The following RELN variants were observed in gnomAD, a reference collection of about 807,000 sequenced individuals.
The protein encoded by RELN is reelin.
A neutral mutation model predicts 427.6 loss-of-function variants in RELN; 108 were observed. The observed-to-expected ratio is 0.25, with a 90% CI of 0.22 to 0.30. RELN has a LOEUF of 0.30. Ranked by LOEUF, RELN falls within the 10% of genes least tolerant of loss-of-function variation. RELN has a pLI of 1.00. For missense variants in RELN, 3,715 were observed against 4,302.8 expected, an observed-to-expected ratio of 0.86 and a Z score of 3.82; for synonymous variants, 1,524 against 1,513.4, an observed-to-expected ratio of 1.01 and a Z score of -0.16.
chr7:103,755,597 G>T (rs1791119784), intron 4 of RELN, among the ~76,000 whole-genome samples: 1 of 135,540 alleles, frequency 7.4e-6, no homozygotes, highest in African/African-American at 2.9e-5. Flanking sequence ...GACAGAGCGA[G>T]ACTCTGTCTC....
At chr7:103,927,265 T>C (rs978018282) in intron 1 of RELN, among the ~76,000 whole-genome samples, 7 of 152,222 alleles carry the variant, frequency 4.6e-5, no homozygotes, top group Non-Finnish European at 1.0e-4. Context: ...TGATGAACCA[T>C]CTGTATGTTT....
chr7:103,789,944 T>C (rs942202436), intron 3 of RELN, among the ~76,000 whole-genome samples: 5 of 152,144 alleles, frequency 3.3e-5, no homozygotes, highest in African/African-American at 9.7e-5. Context: ...AAATGGCCCA[T>C]TAATGTTAGA....
intron 51 of RELN, among the ~76,000 whole-genome samples, chr7:103,510,151 A>C (rs1179159380): frequency 3.9e-5 from 6 of 152,240 alleles, no homozygotes; most frequent in African/African-American, 1.4e-4. Context: ...ATATACCCAA[A>C]GGATTATAAA....
chr7:103,544,305 C>T (rs967296206), intron 42 of RELN, among the ~76,000 whole-genome samples: 1 of 118,606 alleles, frequency 8.4e-6, no homozygotes, highest in African/African-American at 3.2e-5. Flanking sequence ...GTGGTGTGAT[C>T]TCGGCTCACT....
chr7:103,894,804 T>C lies in RELN; in HGVS notation c.337+22271A>G, dbSNP rs17157114. On this transcript the variant is annotated intron_variant, in intron 2 of 64. Transcript: ENST00000428762. ...AAATTATGAAGCCTCAAATTTTGTA[T>C]GTAAGCAGCAGATAAGCAACCAGCA... 4.0e-3 allele frequency among the ~76,000 whole-genome samples: 615 copies of C among 152,248 alleles called. 24 individuals carry two copies. The East Asian group carries it at 0.072, about 18-fold the overall frequency.
Position 103,988,703 on chromosome 7 carries a change from AGCCCAGCGACAGCCCCCAAC to A in RELN, c.226+408_226+427del, listed in dbSNP as rs1010719818. 6.6e-6 allele frequency among the ~76,000 whole-genome samples: 1 copy of A among 152,180 alleles called. No homozygotes were observed. Among genetic ancestry groups the A allele is most frequent in the Non-Finnish European group, 1.5e-5 (1 of 68,016 alleles). On this transcript the variant is annotated intron_variant, in intron 1 of 64. Coordinates refer to ENST00000428762, the MANE Select transcript of RELN (RefSeq NM_005045.4). This position sits in a 1 kb window ranked among gnomAD's most constrained non-coding sequence, Gnocchi z 4.9. ...CAATCTGTCACCAGCCTGCCCGCAA[AGCCCAGCGACAGCCCCCAAC>A]GCCCCCCCGGGGACCCATCTGGGGG... is the stretch of plus-strand genomic sequence containing the variant.
At chr7:103,735,289 G>C (rs1403220771) in intron 6 of RELN, among the ~76,000 whole-genome samples, 2 of 151,802 alleles carry the variant, frequency 1.3e-5, no homozygotes, top group Non-Finnish European at 2.9e-5. Flanking sequence ...TTTTTTTCAT[G>C]GGACAAAGTA....
At chr7:103,856,814 A>AT (rs576074019) in intron 2 of RELN, among the ~76,000 whole-genome samples, 128 of 151,974 alleles carry the variant, frequency 8.4e-4, no homozygotes, top group Non-Finnish European at 1.5e-3. Context: ...CTATTAGCAA[A>AT]TTTTTTTATC....
At chr7:103,586,127 G>A (rs1432252313) in intron 28 of RELN, among the ~76,000 whole-genome samples, 1 of 152,134 alleles carries the variant, frequency 6.6e-6, no homozygotes, top group Non-Finnish European at 1.5e-5. Context: ...ACTTTGGGAG[G>A]CCGAGGAGGG....
At chr7:103,849,550 C>A (rs1183496758) in intron 2 of RELN, among the ~76,000 whole-genome samples, 1 of 152,118 alleles carries the variant, frequency 6.6e-6, no homozygotes, top group African/African-American at 2.4e-5. Flanking sequence ...CCTGCGTATC[C>A]CCTACCTACA....
chr7:103,900,624 T>C (rs1323360517), intron 2 of RELN, among the ~76,000 whole-genome samples: 1 of 151,900 alleles, frequency 6.6e-6, no homozygotes. Context: ...TTTCTAAATA[T>C]ACAATCACGT....
intron 11 of RELN, among the ~76,000 whole-genome samples, chr7:103,674,454 T>C (rs1264289251): frequency 3.3e-5 from 5 of 152,166 alleles, no homozygotes; most frequent in African/African-American, 1.2e-4. Flanking sequence ...ATTTAGATTA[T>C]TTGCTTAAAT....
rs1827875620 is a variant in RELN at position 103,471,982 on chromosome 7, AAAC to A, written c.*827_*829del. The stretch of plus-strand genomic sequence containing the variant: ...AATCCACGAAGAAAACACAATGAAA[AAAC>A]AACCACTGTTTTACAAATCACTCTG... On this transcript the variant is annotated 3_prime_UTR_variant, in exon 65 of 65. Coordinates refer to ENST00000428762, the MANE Select transcript of RELN (RefSeq NM_005045.4). 6.6e-6 allele frequency: 1 copy of A among 152,580 alleles called. No individual in the cohort carries two copies. The highest frequency in any genetic ancestry group is 2.1e-4 in the South Asian group (1 of 4,832). 9.5% of individuals were successfully genotyped at this position (152,580 alleles called of 1,614,324 possible).
intron 63 of RELN, among the ~76,000 whole-genome samples, chr7:103,480,794 A>C (rs897044342): frequency 2.8e-4 from 42 of 152,198 alleles, no homozygotes; most frequent in Non-Finnish European, 1.0e-4. Context: ...TTGGAGTAAA[A>C]TTCAAAGCAT....
At chr7:103,506,718 C>G (rs1005130836) in intron 51 of RELN, among the ~76,000 whole-genome samples, 2 of 152,134 alleles carry the variant, frequency 1.3e-5, no homozygotes, top group Non-Finnish European at 1.5e-5. Flanking sequence ...CAATATTAAC[C>G]TTAAATGTAA....
chr7:103,927,237 TC>T (rs1795765445), intron 1 of RELN, among the ~76,000 whole-genome samples: 1 of 152,190 alleles, frequency 6.6e-6, no homozygotes, highest in African/African-American at 2.4e-5. Context: ...AAAGTGCCAC[TC>T]GATACTGAGA....
At position 103,824,483 on chromosome 7, in the gene RELN, T is replaced by C. The variant is rs1224372583; in HGVS notation, c.473+9054A>G. ...CTCCTGACAATAGCTCCAGGCCCCA[T>C]ATAGGTTAAAACTCCAGATCTAGGA... On this transcript the variant is annotated intron_variant, in intron 3 of 64. Transcript: ENST00000428762. This position sits in a 1 kb window ranked among gnomAD's most constrained non-coding sequence, Gnocchi z 4.4. 1.3e-5 allele frequency among the ~76,000 whole-genome samples: 2 copies of C among 152,032 alleles called. No homozygotes were observed. The highest frequency in any genetic ancestry group is 2.9e-5 in the Non-Finnish European group (2 of 67,988).
intron 2 of RELN, among the ~76,000 whole-genome samples, chr7:103,838,364 G>A (rs1793466345): frequency 6.6e-6 from 1 of 151,876 alleles, no homozygotes; most frequent in Non-Finnish European, 1.5e-5. Flanking sequence ...ACAGTATAAA[G>A]TTGTTCAGAA....
intron 3 of RELN, among the ~76,000 whole-genome samples, chr7:103,777,491 C>G (rs1449741385): frequency 6.6e-6 from 1 of 152,068 alleles, no homozygotes; most frequent in Non-Finnish European, 1.5e-5. Context: ...CAAAACCATC[C>G]TAGGGCAAAA....
Sources: gnomAD v4.1 joint callset for allele counts (sites outside exome capture counted in the v4.1 genomes callset) on GRCh38, gnomAD v4.1.1 for gene constraint, Gnocchi (gnomAD v3.1) non-coding constraint, MANE v1.5 for transcripts, NCBI Gene and HGNC (gene_info 2026-07-23, HGNC 2026-07-21) for gene names.